DSE: variants seen among roughly 807,000 people sequenced by gnomAD.
DSE encodes dermatan sulfate epimerase.
In DSE, 36 loss-of-function variants were observed where a neutral mutation model predicts 84.4. The observed-to-expected ratio is 0.43, with a 90% CI of 0.33 to 0.56. The LOEUF (loss-of-function observed/expected upper bound fraction) is 0.56, where lower values mean the gene tolerates loss of function less well. Ranked by LOEUF, DSE falls within the 20% of genes least tolerant of loss-of-function variation. The probability of loss-of-function intolerance (pLI) is 0.06; values close to 1 mark genes in which losing one functional copy is unlikely to be tolerated. For missense variants in DSE, 862 were observed against 1,169.6 expected (o/e 0.74, Z 3.84); for synonymous variants, 410 against 430.1 (o/e 0.95, Z 0.58).
At chr6:116,319,488 T>C (rs1776176969) in intron 2 of DSE, among the ~76,000 whole-genome samples, 1 of 152,200 alleles carries the variant, frequency 6.6e-6, no homozygotes, top group Non-Finnish European at 1.5e-5. Context: ...TTACATTCCA[T>C]TGACCAAAGC....
intron 1 of DSE, among the ~76,000 whole-genome samples, chr6:116,392,091 A>G (rs574264116): frequency 2.5e-4 from 38 of 152,384 alleles, no homozygotes; most frequent in Admixed American, 2.4e-3. Context: ...TAAAATATGT[A>G]GCAACAGTGA....
chr6:116,274,076 C>T (rs926296869), intron 2 of DSE, among the ~76,000 whole-genome samples: 8 of 151,622 alleles, frequency 5.3e-5, no homozygotes, highest in African/African-American at 1.7e-4. Flanking sequence ...GTGATCCAGC[C>T]GCCTCGGCCT....
intron 2 of DSE, among the ~76,000 whole-genome samples, chr6:116,340,310 G>A (rs1421540394): frequency 2.6e-5 from 4 of 151,880 alleles, no homozygotes; most frequent in Admixed American, 2.6e-4. Context: ...TCTTCAGCTG[G>A]GATAATTTCT....
At chr6:116,320,805 CT>C (rs1378851802) in intron 2 of DSE, among the ~76,000 whole-genome samples, 1 of 152,154 alleles carries the variant, frequency 6.6e-6, no homozygotes, top group Non-Finnish European at 1.5e-5. Flanking sequence ...AGGGTCTACC[CT>C]AACGACCTAA....
At chr6:116,342,012 T>C (rs1183670618) in intron 2 of DSE, among the ~76,000 whole-genome samples, 2 of 152,198 alleles carry the variant, frequency 1.3e-5, no homozygotes, top group Non-Finnish European at 2.9e-5. Flanking sequence ...TTTTAAAACA[T>C]GGTTTATTTT....
In DSE at chr6:116,442,572, A is replaced by G. The variant is rs1784462439; in HGVS notation, c.*5227A>G. 2 of 152,082 alleles carry G rather than the reference A, an allele frequency of 1.3e-5. No individual in the cohort carries two copies. Among genetic ancestry groups the G allele is most frequent in the African/African-American group, 4.8e-5 (2 of 41,378 alleles). 9.4% of individuals were successfully genotyped at this position (152,082 alleles called of 1,614,324 possible). The stretch of plus-strand genomic sequence containing the variant: ...ATAGAATAAAGAAAAAAGTACGAAA[A>G]AGCAAACCTGGTTCAGGAATTCTCC... On this transcript the variant is annotated 3_prime_UTR_variant, in exon 6 of 6. Transcript: ENST00000644252.
chr6:116,337,733 A>G (rs1777335983), intron 2 of DSE, among the ~76,000 whole-genome samples: 1 of 152,242 alleles, frequency 6.6e-6, no homozygotes, highest in Non-Finnish European at 1.5e-5. Flanking sequence ...GGTCAAATAA[A>G]AGATTTAGAA....
At chr6:116,370,255 T>C, upstream of DSE, 1 of 246,894 alleles carries the variant, frequency 4.1e-6, no homozygotes, top group Non-Finnish European at 8.1e-6. Flanking sequence ...GCTGCCTACA[T>C]TAAATGCTTT....
intron 2 of DSE, among the ~76,000 whole-genome samples, chr6:116,363,188 C>CT (rs939282646): frequency 7.3e-5 from 11 of 151,412 alleles, no homozygotes; most frequent in Admixed American, 2.6e-4. Context: ...GTAACAGTTG[C>CT]TTTTTTTTGC....
intron 1 of DSE, among the ~76,000 whole-genome samples, chr6:116,398,244 G>C (rs773468422): frequency 2.6e-4 from 39 of 152,096 alleles, no homozygotes; most frequent in Non-Finnish European, 3.8e-4. Context: ...TGAGGTTTTG[G>C]GGATTTTATT....
At chr6:116,391,399 A>G (rs1200153058) in intron 1 of DSE, among the ~76,000 whole-genome samples, 1 of 152,172 alleles carries the variant, frequency 6.6e-6, no homozygotes, top group Non-Finnish European at 1.5e-5. Flanking sequence ...TCCATATACT[A>G]TCATTTCATA....
At chr6:116,258,431 TGC>T in intron 1 of DSE, 1 of 738,398 alleles carries the variant, frequency 1.4e-6, no homozygotes, top group Admixed American at 2.0e-5. Flanking sequence ...GTAATTTTTT[TGC>T]TTTTTTTGGT....
chr6:116,437,432 T>A lies in DSE; in HGVS notation c.*87T>A, dbSNP rs1292205023. 1 of 1,252,346 alleles carries A rather than the reference T, an allele frequency of 8.0e-7. No individual in the cohort carries two copies. The highest frequency in any genetic ancestry group is 1.1e-6 in the Non-Finnish European group (1 of 932,526). 77.6% of individuals were successfully genotyped at this position (1,252,346 alleles called of 1,614,324 possible). A position where few individuals can be genotyped will look rare whatever the true frequency, so the allele number is the denominator to read the frequency against. On this transcript the variant is annotated 3_prime_UTR_variant, in exon 6 of 6. Transcript: ENST00000644252. The stretch of plus-strand genomic sequence containing the variant: ...TTTCTTTACCCCAGATTATCAGATT[T>A]TTTTCCCTCAGATTCATTTTAACAA...
intron 2 of DSE, among the ~76,000 whole-genome samples, chr6:116,261,788 G>A (rs58856217): frequency 0.019 from 2,826 of 152,278 alleles, 93 homozygotes; most frequent in African/African-American, 0.065. Context: ...TACCTACTTT[G>A]AGAGTTTTTA....
At chr6:116,392,760 A>T (rs1401784293) in intron 1 of DSE, among the ~76,000 whole-genome samples, 1 of 152,208 alleles carries the variant, frequency 6.6e-6, no homozygotes, top group East Asian at 1.9e-4. Flanking sequence ...CTTGTTCACC[A>T]GACAGTTATC....
At chr6:116,262,751 T>C (rs1562189392) in intron 2 of DSE, among the ~76,000 whole-genome samples, 1 of 152,248 alleles carries the variant, frequency 6.6e-6, no homozygotes, top group Non-Finnish European at 1.5e-5. Flanking sequence ...GGGAATTTAG[T>C]GCTATAAATT....
Position 116,439,511 on chromosome 6 carries a change from T to TG in DSE, c.*2167dup, listed in dbSNP as rs1784359795. On this transcript the variant is annotated 3_prime_UTR_variant, in exon 6 of 6. Coordinates refer to ENST00000644252, the MANE Select transcript of DSE (RefSeq NM_013352.4). The stretch of plus-strand genomic sequence containing the variant: ...TCAGGCAGTGACTTAAGTGGTTAAG[T>TG]GAAAAAAAAAAATGCTGAAACAAAT... 1.3e-5 allele frequency: 2 copies of TG among 149,838 alleles called. No homozygotes were observed. Among genetic ancestry groups the TG allele is most frequent in the African/African-American group, 4.9e-5 (2 of 40,872 alleles). The allele number at this position is 149,838 out of a possible 1,614,324, so 9.3% of individuals were successfully genotyped here.
At chr6:116,301,867 T>A (rs1489659699) in intron 2 of DSE, among the ~76,000 whole-genome samples, 1 of 152,188 alleles carries the variant, frequency 6.6e-6, no homozygotes, top group Non-Finnish European at 1.5e-5. Context: ...CTCCCACTTA[T>A]GAGTGAGAAC....
At chr6:116,365,284 C>A (rs1779099981) in intron 2 of DSE, among the ~76,000 whole-genome samples, 1 of 150,542 alleles carries the variant, frequency 6.6e-6, no homozygotes, top group Admixed American at 6.6e-5. Flanking sequence ...GGGATGGAGT[C>A]TTGCTCTATC....
Sources: allele counts gnomAD v4.1 joint callset (sites outside exome capture counted in the v4.1 genomes callset), GRCh38; gene constraint gnomAD v4.1.1; transcripts MANE v1.5; gene names NCBI Gene and HGNC (gene_info 2026-07-23, HGNC 2026-07-21).